PDE4D: variants seen among roughly 807,000 people sequenced by gnomAD.
PDE4D encodes the protein phosphodiesterase 4D, also known as 3',5'-cyclic-AMP phosphodiesterase 4D.
A neutral mutation model predicts 87.4 loss-of-function variants in PDE4D; 24 were observed. The observed-to-expected ratio is 0.27, with a 90% CI of 0.20 to 0.39. PDE4D has a LOEUF of 0.39. PDE4D is among the 10% of genes least tolerant of loss of function. The probability of loss-of-function intolerance (pLI) is 1.00; values close to 1 mark genes in which losing one functional copy is unlikely to be tolerated. For missense variants in PDE4D, 714 were observed against 1,041.0 expected, an observed-to-expected ratio of 0.69 and a Z score of 4.32; for synonymous variants, 384 against 383.2, an observed-to-expected ratio of 1.00 and a Z score of -0.02.
intron 1 of PDE4D, among the ~76,000 whole-genome samples, chr5:59,216,229 G>A (rs1751228176): frequency 6.6e-6 from 1 of 152,160 alleles, no homozygotes; most frequent in Non-Finnish European, 1.5e-5. Context: ...TCAGTTAAAA[G>A]GGAAACACTC....
chr5:59,967,554 C>G (rs1241901343), intron 3 of PDE4D, among the ~76,000 whole-genome samples: 4 of 152,058 alleles, frequency 2.6e-5, no homozygotes, highest in African/African-American at 9.7e-5. Context: ...CAATAAGATA[C>G]CATCTCACAC....
intron 2 of PDE4D, among the ~76,000 whole-genome samples, chr5:60,065,057 A>T (rs1257166380): frequency 6.6e-6 from 1 of 152,126 alleles, no homozygotes; most frequent in African/African-American, 2.4e-5. Flanking sequence ...ACAAACCTTC[A>T]ATACACACAT....
chr5:59,316,880 G>A (rs1334223030), intron 1 of PDE4D, among the ~76,000 whole-genome samples: 1 of 152,122 alleles, frequency 6.6e-6, no homozygotes, highest in East Asian at 1.9e-4. Context: ...GGGCAGAGGT[G>A]GAGAAATGAG....
Position 59,444,628 on chromosome 5 carries a change from C to T in PDE4D, c.456-228660G>A, listed in dbSNP as rs866672524. Among the ~76,000 whole-genome samples the T allele has an allele frequency of 3.3e-5, 5 of 152,104 alleles. No homozygotes were observed. In the Middle Eastern group the frequency reaches 0.014, roughly 414 times the overall value. ...GAGAACGAGACCATCCTGGCTAACA[C>T]GGTGAAACCCCGTCTCTACTAAAAA... On this transcript the variant is annotated intron_variant, in intron 1 of 14. Coordinates refer to ENST00000340635, the MANE Select transcript of PDE4D (RefSeq NM_001104631.2).
intron 1 of PDE4D, among the ~76,000 whole-genome samples, chr5:60,438,668 AT>A (rs141801465): frequency 6.7e-5 from 10 of 150,360 alleles, no homozygotes; most frequent in Admixed American, 1.3e-4. Context: ...AAAATGAGCA[AT>A]TTTTTTTTTG....
At chr5:59,978,919 T>C (rs1043095003) in intron 3 of PDE4D, among the ~76,000 whole-genome samples, 1 of 152,212 alleles carries the variant, frequency 6.6e-6, no homozygotes, top group African/African-American at 2.4e-5. Flanking sequence ...TTAGCATTTT[T>C]TTTTTTAGCA....
chr5:59,671,010 C>G (rs1357982349), intron 1 of PDE4D, among the ~76,000 whole-genome samples: 1 of 152,106 alleles, frequency 6.6e-6, no homozygotes, highest in African/African-American at 2.4e-5. Context: ...ACAACATATA[C>G]CCACACACTT....
chr5:60,371,560 A>G (rs1474175076), intron 1 of PDE4D, among the ~76,000 whole-genome samples: 1 of 152,208 alleles, frequency 6.6e-6, no homozygotes, highest in African/African-American at 2.4e-5. Context: ...ATATGCACAG[A>G]AAGTACACAA....
At chr5:59,043,063 T>C (rs1417980389) in intron 5 of PDE4D, among the ~76,000 whole-genome samples, 1 of 152,240 alleles carries the variant, frequency 6.6e-6, no homozygotes, top group African/African-American at 2.4e-5. Context: ...TGTAACTATG[T>C]GGACATTAGT....
chr5:60,169,871 T>C (rs1783261711), intron 2 of PDE4D, among the ~76,000 whole-genome samples: 1 of 152,060 alleles, frequency 6.6e-6, no homozygotes, highest in Admixed American at 6.5e-5. Flanking sequence ...TTCTTGATTT[T>C]AGCATAATTT....
chr5:59,455,034 G>A (rs1037519706), intron 1 of PDE4D, among the ~76,000 whole-genome samples: 1 of 152,216 alleles, frequency 6.6e-6, no homozygotes, highest in Non-Finnish European at 1.5e-5. Context: ...AAGGGAAGCA[G>A]AGCACAAAAG....
intron 1 of PDE4D, among the ~76,000 whole-genome samples, chr5:60,249,069 T>C (rs919436762): frequency 2.0e-5 from 3 of 152,054 alleles, no homozygotes; most frequent in Non-Finnish European, 4.4e-5. Context: ...AATGGCCCAC[T>C]GCCATGCAAA....
intron 1 of PDE4D, among the ~76,000 whole-genome samples, chr5:60,363,965 T>G (rs1348084808): frequency 6.6e-6 from 1 of 152,228 alleles, no homozygotes; most frequent in Non-Finnish European, 1.5e-5. Flanking sequence ...ATCTTTACCT[T>G]GAACTACATG....
At chr5:59,203,042 T>C (rs369125622) in intron 2 of PDE4D, among the ~76,000 whole-genome samples, 3 of 152,276 alleles carry the variant, frequency 2.0e-5, no homozygotes, top group East Asian at 3.9e-4. Context: ...AAAACCTGAA[T>C]AGGTCTTTCT....
intron 1 of PDE4D, among the ~76,000 whole-genome samples, chr5:60,487,328 C>T (rs144521666): frequency 6.6e-6 from 1 of 152,144 alleles, no homozygotes; most frequent in Non-Finnish European, 1.5e-5. Flanking sequence ...TTACAACAAG[C>T]GCATGGTTTT....
rs62370489 is a variant in PDE4D, at chr5:59,689,673, C to T, written c.455+203495G>A. ...TGAAACCTGGCACAAGACAGGGATG[C>T]CCTTTCTCACCACTCCTATTCAACA... is the stretch of plus-strand genomic sequence containing the variant. On this transcript the variant is annotated intron_variant, in intron 1 of 14. Transcript: ENST00000340635. Among the ~76,000 whole-genome samples, 240 of 152,268 alleles carry T rather than the reference C, an allele frequency of 1.6e-3. 2 individuals carry two copies. The highest frequency in any genetic ancestry group is 0.014 in the Middle Eastern group (4 of 294).
rs1240292229 is a variant in PDE4D at position 59,947,824 on chromosome 5, T to C, written c.272+40664A>G. On this transcript the variant is annotated intron_variant, in intron 3 of 16. Coordinates refer to the PDE4D transcript ENST00000502484. ...AAGTTCAAGAACAGCCTGACCAACA[T>C]AGTGACACCCTGTCTCTACTAAAAA... is the stretch of plus-strand genomic sequence containing the variant. Among the ~76,000 whole-genome samples, 5 of 152,016 alleles carry C rather than the reference T, an allele frequency of 3.3e-5. No individual in the cohort carries two copies. In the South Asian group the frequency reaches 6.2e-4, roughly 19 times the overall value.
At chr5:59,042,422 G>T (rs1293144563) in intron 5 of PDE4D, among the ~76,000 whole-genome samples, 1 of 152,102 alleles carries the variant, frequency 6.6e-6, no homozygotes, top group Admixed American at 6.6e-5. Context: ...ACAGCTAGCA[G>T]GACAAAAACA....
In PDE4D at chr5:60,045,546, G is replaced by A. The variant is rs1199304529; in HGVS notation, c.43-56829C>T. Among the ~76,000 whole-genome samples, 4 of 152,240 alleles carry A rather than the reference G, an allele frequency of 2.6e-5. No homozygotes were observed. The East Asian group carries it at 7.7e-4, about 29-fold the overall frequency. On this transcript the variant is annotated intron_variant, in intron 2 of 16. Transcript: ENST00000502484. Reference sequence around the variant, plus strand: ...TCTTGAATTGATTTTTGTATAAGGTGTAAGGAAGGGATCCAGTTTCAGCTT... The same window carrying A: ...TCTTGAATTGATTTTTGTATAAGGTATAAGGAAGGGATCCAGTTTCAGCTT...
Sources: allele counts gnomAD v4.1 joint callset (sites outside exome capture counted in the v4.1 genomes callset), GRCh38; gene constraint gnomAD v4.1.1; transcripts MANE v1.5; gene names NCBI Gene and HGNC (gene_info 2026-07-23, HGNC 2026-07-21).